The following ASAP1 variants were observed in gnomAD, a reference collection of about 807,000 sequenced individuals.
ASAP1 encodes the protein arf-GAP with SH3 domain, ANK repeat and PH domain-containing protein 1.
Under a neutral mutation model 145.2 loss-of-function variants are expected in ASAP1, and 43 were observed. That is an observed-to-expected ratio of 0.30 (90% confidence interval 0.23 to 0.38). The LOEUF is 0.38. Ranked by LOEUF, ASAP1 falls within the 10% of genes least tolerant of loss-of-function variation. The pLI is 1.00. For synonymous variants in ASAP1, 546 were observed against 515.5 expected (o/e 1.06, Z -0.80); for missense variants, 1,018 against 1,355.3 (o/e 0.75, Z 3.91).
intron 3 of ASAP1, among the ~76,000 whole-genome samples, chr8:130,311,802 A>AT (rs1363934941): frequency 6.6e-6 from 1 of 151,160 alleles, no homozygotes; most frequent in Admixed American, 6.6e-5. Context: ...TAGGTTACTT[A>AT]TAATTATAGA....
chr8:130,130,502 AC>A (rs1191339717), intron 15 of ASAP1, among the ~76,000 whole-genome samples: 1 of 152,244 alleles, frequency 6.6e-6, no homozygotes, highest in Non-Finnish European at 1.5e-5. Context: ...TTTCAAAAGG[AC>A]CAAGACTCAC....
chr8:130,350,064 T>C (rs1217333440), intron 3 of ASAP1, among the ~76,000 whole-genome samples: 1 of 152,190 alleles, frequency 6.6e-6, no homozygotes, highest in African/African-American at 2.4e-5. Context: ...ACACCACAAA[T>C]GGCTTCTAAT....
At chr8:130,353,863 AGC>A (rs1332149970) in intron 3 of ASAP1, among the ~76,000 whole-genome samples, 1 of 150,082 alleles carries the variant, frequency 6.7e-6, no homozygotes, top group African/African-American at 2.5e-5. Flanking sequence ...AGAGTGAGAG[AGC>A]CTGTTTCACG....
At chr8:130,154,946 C>T (rs1400815379) in intron 12 of ASAP1, among the ~76,000 whole-genome samples, 1 of 152,170 alleles carries the variant, frequency 6.6e-6, no homozygotes, top group Non-Finnish European at 1.5e-5. Flanking sequence ...ATCAGAGCCA[C>T]ATTTGGTTAA....
intron 2 of ASAP1, among the ~76,000 whole-genome samples, chr8:130,391,032 CG>C (rs1372674736): frequency 2.7e-5 from 4 of 150,024 alleles, no homozygotes; most frequent in African/African-American, 9.9e-5. Context: ...GAAGCAAACA[CG>C]TATTCATCCA....
intron 5 of ASAP1, among the ~76,000 whole-genome samples, chr8:130,189,650 C>T (rs969499906): frequency 6.6e-6 from 1 of 152,108 alleles, no homozygotes; most frequent in African/African-American, 2.4e-5. Context: ...ACACTGATTT[C>T]TTTTCTTTTA....
At chr8:130,200,974 C>T (rs932332819) in intron 5 of ASAP1, among the ~76,000 whole-genome samples, 2 of 152,162 alleles carry the variant, frequency 1.3e-5, no homozygotes, top group Non-Finnish European at 2.9e-5. Context: ...AGTGACAATC[C>T]TTCCTAGTGG....
intron 4 of ASAP1, among the ~76,000 whole-genome samples, chr8:130,235,041 C>T (rs1818133347): frequency 6.6e-6 from 1 of 152,032 alleles, no homozygotes. Flanking sequence ...ATCCCCTGCA[C>T]ATTAGATATT....
chr8:130,164,193 G>T (rs540066386), intron 11 of ASAP1, among the ~76,000 whole-genome samples: 1 of 152,330 alleles, frequency 6.6e-6, no homozygotes, highest in South Asian at 2.1e-4. Flanking sequence ...AAACGATAAT[G>T]TGATGGGGTT....
chr8:130,277,833 G>A (rs894882584), intron 3 of ASAP1, among the ~76,000 whole-genome samples: 12 of 152,186 alleles, frequency 7.9e-5, no homozygotes, highest in Admixed American at 3.9e-4. Context: ...GGCTGTAGGC[G>A]TTTGTGGGCC....
chr8:130,237,280 A>C (rs372432020), intron 3 of ASAP1, among the ~76,000 whole-genome samples: 2 of 152,132 alleles, frequency 1.3e-5, no homozygotes, highest in Non-Finnish European at 2.9e-5. Flanking sequence ...AGTACAAGAC[A>C]CTGAAGAAAT....
At chr8:130,269,946 G>C (rs535727312) in intron 3 of ASAP1, among the ~76,000 whole-genome samples, 5 of 152,124 alleles carry the variant, frequency 3.3e-5, no homozygotes, top group East Asian at 1.9e-4. Flanking sequence ...AAGGCAGTTA[G>C]ATCACCTGAG....
In ASAP1 at chr8:130,435,274, T is replaced by C. The variant is rs531151183; in HGVS notation, c.-28+8186A>G. 2.6e-5 allele frequency among the ~76,000 whole-genome samples: 4 copies of C among 152,316 alleles called. No individual in the cohort carries two copies. In the South Asian group the frequency reaches 8.3e-4, roughly 32 times the overall value. The stretch of plus-strand genomic sequence containing the variant: ...TCAGGACTTCTGAGTCTCAATTCAG[T>C]GATATTCTTCAGCATCTTAGTAAGT... On this transcript the variant is annotated intron_variant, in intron 1 of 29. Transcript: ENST00000518721.
intron 27 of ASAP1, among the ~76,000 whole-genome samples, chr8:130,066,626 T>C (rs2097431457): frequency 6.6e-6 from 1 of 151,660 alleles, no homozygotes; most frequent in Admixed American, 6.6e-5. Context: ...TTTTCTTTCA[T>C]TCATTCATTC....
intron 25 of ASAP1, among the ~76,000 whole-genome samples, chr8:130,087,701 CCT>C (rs2097496723): frequency 6.6e-6 from 1 of 152,074 alleles, no homozygotes; most frequent in Admixed American, 6.5e-5. Flanking sequence ...GGACAGGAGG[CCT>C]CGAGTCTTGC....
intron 15 of ASAP1, 29 bp from the exon 16 acceptor site, chr8:130,128,119 G>A: frequency 1.9e-6 from 1 of 536,926 alleles, no homozygotes; most frequent in Non-Finnish European, 2.7e-6. Context: ...GAGGAAAAAA[G>A]TCTTTATAAG....
chr8:130,187,762 G>T (rs1308103087), intron 6 of ASAP1, among the ~76,000 whole-genome samples: 1 of 152,158 alleles, frequency 6.6e-6, no homozygotes, highest in Non-Finnish European at 1.5e-5. Flanking sequence ...GCCTGAGAGA[G>T]GAAAGAAGGG....
At chr8:130,159,020 C>T (rs1201141729) in intron 12 of ASAP1, among the ~76,000 whole-genome samples, 4 of 152,102 alleles carry the variant, frequency 2.6e-5, no homozygotes, top group African/African-American at 7.2e-5. Flanking sequence ...CGTGAGCCAC[C>T]GCGCCCGGCT....
In ASAP1 at chr8:130,380,093, G is replaced by A. The variant is rs77303890; in HGVS notation, c.59+21792C>T. 5.8e-3 allele frequency among the ~76,000 whole-genome samples: 885 copies of A among 152,298 alleles called. 19 individuals carry two copies. Among genetic ancestry groups the A allele is most frequent in the East Asian group, 0.047 (241 of 5,182 alleles). ...AGCACCTACCTGTTGGGCACCCCAG[G>A]TCTCAGGTTGGGTTCCCCCAGAAGC... On this transcript the variant is annotated intron_variant, in intron 2 of 29. Coordinates refer to ENST00000518721, the MANE Select transcript of ASAP1 (RefSeq NM_018482.4).
Sources: allele counts gnomAD v4.1 joint callset (sites outside exome capture counted in the v4.1 genomes callset), GRCh38; gene constraint gnomAD v4.1.1; transcripts MANE v1.5; gene names NCBI Gene and HGNC (gene_info 2026-07-23, HGNC 2026-07-21).